LMTK3: variants seen among roughly 807,000 people sequenced by gnomAD.
LMTK3 encodes the protein serine/threonine-protein kinase LMTK3.
A neutral mutation model predicts 116.7 loss-of-function variants in LMTK3; 27 were observed. The ratio of observed to expected loss-of-function variants is 0.23; its 90% CI spans 0.17 to 0.32. The LOEUF (loss-of-function observed/expected upper bound fraction) is 0.32. Ranked by LOEUF, LMTK3 falls within the 10% of genes least tolerant of loss-of-function variation. The pLI is 1.00. For missense variants in LMTK3, 1,764 were observed against 2,068.5 expected (o/e 0.85, Z 2.86); for synonymous variants, 965 against 971.0 (o/e 0.99, Z 0.11).
chr19:48,510,807 T>G lies in LMTK3; in HGVS notation c.77-215A>C, dbSNP rs114729177. 7.7e-3 allele frequency among the ~76,000 whole-genome samples: 1,166 copies of G among 152,226 alleles called. 18 individuals carry two copies. Among genetic ancestry groups the G allele is most frequent in the African/African-American group, 0.025 (1,050 of 41,540 alleles). ...ATTGGGGGTGGGGTCTCTCTTCTCG[T>G]CCCAAACTGGGACCCCCGCCACCTC... On this transcript the variant is annotated intron_variant, in intron 1 of 14. Coordinates refer to ENST00000600059, the MANE Select transcript of LMTK3 (RefSeq NM_001388485.1).
At position 48,491,249 on chromosome 19, in the gene LMTK3, C is replaced by G; in HGVS notation, c.4229-4G>C. ...TCCGCCCACTCGAAACTGCCTCCTG[C>G]GGCAGAAGGAAAGACCGCGGTCAGG... is the stretch of plus-strand genomic sequence containing the variant. On this transcript the variant is annotated splice_polypyrimidine_tract_variant and splice_region_variant and intron_variant, in intron 13 of 14. Transcript: ENST00000600059. The surrounding 1 kb of genome is among the most constrained non-coding windows in gnomAD (Gnocchi z 5.1). 1 of 1,398,642 alleles carries G rather than the reference C, an allele frequency of 7.1e-7. No homozygotes were observed. The highest frequency in any genetic ancestry group is 2.9e-5 in the East Asian group (1 of 34,898). The allele number at this position is 1,398,642 out of a possible 1,614,324, so 86.6% of individuals were successfully genotyped here.
At chr19:48,501,871 T>C (rs1441423398) in intron 7 of LMTK3, among the ~76,000 whole-genome samples, 1 of 143,484 alleles carries the variant, frequency 7.0e-6, no homozygotes, top group Non-Finnish European at 1.5e-5. Flanking sequence ...CAGCCACCTC[T>C]CCTCATCACG....
chr19:48,509,696 T>C (rs1972626077), intron 3 of LMTK3, among the ~76,000 whole-genome samples, 183 bp from the exon 4 acceptor site: 1 of 152,110 alleles, frequency 6.6e-6, no homozygotes, highest in South Asian at 2.1e-4. Context: ...CAGCATCCAA[T>C]CAGTCCTTCC....
At chr19:48,496,858 C>A (rs944864599) in intron 11 of LMTK3, among the ~76,000 whole-genome samples, 1 of 152,246 alleles carries the variant, frequency 6.6e-6, no homozygotes, top group Non-Finnish European at 1.5e-5. Flanking sequence ...GAAATAAAAA[C>A]CAGAGCTCTA....
At chr19:48,501,589 C>G (rs1461855858) in intron 7 of LMTK3, 27 bp from the exon 8 acceptor site, 1 of 1,580,246 alleles carries the variant, frequency 6.3e-7, no homozygotes, top group Admixed American at 1.8e-5. Context: ...AGGAGGTGAG[C>G]GCAGGGGCAG....
At chr19:48,488,898 C>T (rs955225663) in intron 14 of LMTK3, among the ~76,000 whole-genome samples, 1 of 152,262 alleles carries the variant, frequency 6.6e-6, no homozygotes, top group South Asian at 2.1e-4. Context: ...CGCCACCATA[C>T]CCAACTAATT....
chr19:48,497,345 C>G lies in LMTK3; in HGVS notation c.3676+48G>C. The G allele has an allele frequency of 7.1e-7, 1 of 1,415,206 alleles. No individual in the cohort carries two copies. Among genetic ancestry groups the G allele is most frequent in the Non-Finnish European group, 9.3e-7 (1 of 1,078,466 alleles). 87.7% of individuals were successfully genotyped at this position (1,415,206 alleles called of 1,614,324 possible). A position where few individuals can be genotyped will look rare whatever the true frequency, so the allele number is the denominator to read the frequency against. The stretch of plus-strand genomic sequence containing the variant: ...ACCCACACTCACCCTCCGCACGCCT[C>G]GGAAACAGCCGGACCTCAGCCCTGA... On this transcript the variant is annotated intron_variant, in intron 11 of 14. Coordinates refer to ENST00000600059, the MANE Select transcript of LMTK3 (RefSeq NM_001388485.1). This position sits in a 1 kb window ranked among gnomAD's most constrained non-coding sequence, Gnocchi z 5.7.
intron 14 of LMTK3, among the ~76,000 whole-genome samples, chr19:48,490,603 T>C (rs1386356792): frequency 6.6e-6 from 1 of 151,032 alleles, no homozygotes; most frequent in Non-Finnish European, 1.5e-5. Context: ...TTAAATGGGT[T>C]AAACTGTGGT....
At position 48,494,910 on chromosome 19, in the gene LMTK3, C is replaced by T. The variant is rs1020647595; in HGVS notation, c.3677-801G>A. Among the ~76,000 whole-genome samples, 15 of 152,210 alleles carry T rather than the reference C, an allele frequency of 9.9e-5. No individual in the cohort carries two copies. Among genetic ancestry groups the T allele is most frequent in the Non-Finnish European group, 2.1e-4 (14 of 68,038 alleles). On this transcript the variant is annotated intron_variant, in intron 11 of 14. Transcript: ENST00000600059. This position sits in a 1 kb window ranked among gnomAD's most constrained non-coding sequence, Gnocchi z 4.0. The stretch of plus-strand genomic sequence containing the variant: ...CTCCCACCGATGTCCACCTGCCTCA[C>T]TCCCTCCTTTCCTTCACATCTGCTC...
In LMTK3 at chr19:48,509,418, C is replaced by A; in HGVS notation, c.438+19G>T. On this transcript the variant is annotated intron_variant, in intron 4 of 14. Coordinates refer to ENST00000600059, the MANE Select transcript of LMTK3 (RefSeq NM_001388485.1). ...CTCGGGATCCATGGAGCCCTGCCTC[C>A]CCTCCCCAGCCCACTCACCTTCCCA... 1 of 1,550,038 alleles carries A rather than the reference C, an allele frequency of 6.5e-7. No individual in the cohort carries two copies. The highest frequency in any genetic ancestry group is 2.4e-5 in the East Asian group (1 of 40,918).
chr19:48,498,107 C>A lies in LMTK3; in HGVS notation c.2962G>T (p.Val988Leu), dbSNP rs775701669. The change falls in exon 11 of 15, where the codon GTG becomes TTG. Residue 988 changes from valine (V) to leucine (L), a missense_variant. By Grantham distance (32) the Val-to-Leu change is conservative. Around this residue, in one of 7 missense-constraint regions of LMTK3, gnomAD observed 1,028 missense variants for 1,050.6 expected, o/e 0.98. Coordinates refer to ENST00000600059, the MANE Select transcript of LMTK3 (RefSeq NM_001388485.1). Reference protein sequence around the residue: ...ELRSPEAGEKVLVNGGLTPPK... With the variant: ...ELRSPEAGEKLLVNGGLTPPK... ...GGTGTCAGGCCCCCATTCACCAGCA[C>A]CTTCTCCCCGGCCTCTGGGGACCTC... 6.2e-7 allele frequency: 1 copy of A among 1,613,508 alleles called. No individual in the cohort carries two copies. Among genetic ancestry groups the A allele is most frequent in the Non-Finnish European group, 8.5e-7 (1 of 1,179,820 alleles).
Position 48,493,757 on chromosome 19 carries a change from CTCGCTGT to C in LMTK3, c.4022_4028del (p.Asp1341GlyfsTer15). ...AGACCATCTTGCGCTTCCTCTCCAG[CTCGCTGT>C]CCTCTGGCTCGTCGGCCCCGCGCGG... On this transcript the variant is annotated frameshift_variant, in exon 12 of 15. Transcript: ENST00000600059. LOFTEE classifies it high-confidence loss of function. 1 of 1,563,648 alleles carries C rather than the reference CTCGCTGT, an allele frequency of 6.4e-7. No individual in the cohort carries two copies. The highest frequency in any genetic ancestry group is 2.4e-5 in the East Asian group (1 of 41,054).
At position 48,499,143 on chromosome 19, in the gene LMTK3, C is replaced by CTCT. The variant is rs909666992; in HGVS notation, c.1923_1925dup (p.Glu646dup). On this transcript the variant is annotated inframe_insertion, in exon 11 of 15. Coordinates refer to ENST00000600059, the MANE Select transcript of LMTK3 (RefSeq NM_001388485.1). Reference sequence around the variant, plus strand: ...CTGGGGAGCTGCCCTCCTCCTCCTCCTCTTCTTCTTCCACCCACGGGGCGG... The same window carrying CTCT: ...CTGGGGAGCTGCCCTCCTCCTCCTCCTCTTCTTCTTCTTCCACCCACGGGGCGG... 1 of 1,529,612 alleles carries CTCT rather than the reference C, an allele frequency of 6.5e-7. No homozygotes were observed. The highest frequency in any genetic ancestry group is 8.8e-7 in the Non-Finnish European group (1 of 1,141,810). 94.8% of individuals were successfully genotyped at this position (1,529,612 alleles called of 1,614,324 possible).
Position 48,498,750 on chromosome 19 carries a change from AGGG to A in LMTK3, c.2316_2318del (p.Pro773del). ...CTGAACCGGGACTGGCCACGGCCGA[AGGG>A]GGGTCGGGGGACGCGGCCGGGTCCG... On this transcript the variant is annotated inframe_deletion, in exon 11 of 15. Coordinates refer to ENST00000600059, the MANE Select transcript of LMTK3 (RefSeq NM_001388485.1). The A allele has an allele frequency of 8.7e-7, 1 of 1,144,140 alleles. No homozygotes were observed. The highest frequency in any genetic ancestry group is 1.1e-6 in the Non-Finnish European group (1 of 918,316). 70.9% of individuals were successfully genotyped at this position (1,144,140 alleles called of 1,614,324 possible).
Position 48,500,033 on chromosome 19 carries a change from C to T in LMTK3, c.1152-116G>A. On this transcript the variant is annotated intron_variant, in intron 10 of 14. Coordinates refer to ENST00000600059, the MANE Select transcript of LMTK3 (RefSeq NM_001388485.1). This position sits in a 1 kb window ranked among gnomAD's most constrained non-coding sequence, Gnocchi z 4.0. ...CAGAGACCCAGAGGGTAACAGAGAC[C>T]CAGAGAGAGGGGGACAGAGACCCAG... 1.0e-6 allele frequency: 1 copy of T among 989,214 alleles called. No individual in the cohort carries two copies. The highest frequency in any genetic ancestry group is 1.4e-6 in the Non-Finnish European group (1 of 696,058). The allele number at this position is 989,214 out of a possible 1,614,324, so 61.3% of individuals were successfully genotyped here. A position where few individuals can be genotyped will look rare whatever the true frequency, so the allele number is the denominator to read the frequency against.
chr19:48,485,961 G>T (rs1239567237), intron 14 of LMTK3, among the ~76,000 whole-genome samples, 172 bp from the exon 15 acceptor site: 1 of 151,500 alleles, frequency 6.6e-6, no homozygotes, highest in African/African-American at 2.4e-5. Flanking sequence ...CAGCCACTGG[G>T]CCTCCTGCTG....
At chr19:48,510,347 T>A in intron 2 of LMTK3, 112 bp downstream of exon 2, 7 of 1,459,094 alleles carry the variant, frequency 4.8e-6, no homozygotes, top group Non-Finnish European at 5.5e-6. Flanking sequence ...AGCTTCAAGC[T>A]GGAAGGTGCT....
At chr19:48,506,719 C>T (rs1391703069) in intron 5 of LMTK3, among the ~76,000 whole-genome samples, 1 of 152,170 alleles carries the variant, frequency 6.6e-6, no homozygotes, top group Non-Finnish European at 1.5e-5. Flanking sequence ...GGCTGGAGTA[C>T]AGTGGTGTGA....
At position 48,491,536 on chromosome 19, in the gene LMTK3, T is replaced by G; in HGVS notation, c.4096A>C (p.Thr1366Pro). ...TGGACGCTCAGCTCGTTGGTTGGCG[T>G]CTCCTGTGAAGGCAGATTAGGGGGA... The part of the protein sequence containing the change: ...DVTVYLFDQE[T>P]PTNELSVQAP... Residue 1366 changes from threonine to proline, a missense_variant, in exon 13 of 15, where the codon ACG becomes CCG. Physicochemically the swap from Thr to Pro is conservative, Grantham distance 38 (BLOSUM62 -1). This residue lies in a region of LMTK3 where 281 missense variants were observed against 301.4 expected (regional missense o/e 0.93). Coordinates refer to ENST00000600059, the MANE Select transcript of LMTK3 (RefSeq NM_001388485.1). This position sits in a 1 kb window ranked among gnomAD's most constrained non-coding sequence, Gnocchi z 5.1. The G allele has an allele frequency of 7.2e-7, 1 of 1,388,092 alleles. No individual in the cohort carries two copies. Among genetic ancestry groups the G allele is most frequent in the Non-Finnish European group, 9.4e-7 (1 of 1,064,698 alleles). 86.0% of individuals were successfully genotyped at this position (1,388,092 alleles called of 1,614,324 possible).
Sources: allele counts gnomAD v4.1 joint callset (sites outside exome capture counted in the v4.1 genomes callset), GRCh38; gene constraint gnomAD v4.1.1; regional missense constraint gnomAD v4.1.1; non-coding constraint Gnocchi (gnomAD v3.1); transcripts MANE v1.5; gene names NCBI Gene and HGNC (gene_info 2026-07-23, HGNC 2026-07-21).